The following COL21A1 variants were observed in gnomAD, a reference collection of about 807,000 sequenced individuals.
The protein encoded by COL21A1 is collagen alpha-1(XXI) chain.
A neutral mutation model predicts 137.9 loss-of-function variants in COL21A1; 149 were observed. The observed-to-expected ratio is 1.08, with a 90% confidence interval of 0.95 to 1.24. The LOEUF (loss-of-function observed/expected upper bound fraction) is 1.24. Among genes scored for constraint, COL21A1 ranks in the 50% most tolerant of loss-of-function variants. The pLI is 0.00. For missense variants in COL21A1, 1,167 were observed against 1,158.4 expected (o/e 1.01, Z -0.11); for synonymous variants, 456 against 391.5 (o/e 1.16, Z -1.95).
chr6:56,110,454 C>A (rs1415685865), intron 16 of COL21A1, among the ~76,000 whole-genome samples: 2 of 151,256 alleles, frequency 1.3e-5, no homozygotes, highest in Admixed American at 6.6e-5. Flanking sequence ...TGCTTTTATC[C>A]CTTCTATTTG....
At chr6:56,293,315 T>C (rs1008988267) in intron 1 of COL21A1, among the ~76,000 whole-genome samples, 2 of 152,220 alleles carry the variant, frequency 1.3e-5, no homozygotes, top group African/African-American at 4.8e-5. Flanking sequence ...GTATATAGGA[T>C]TCTTTTTCTC....
intron 1 of COL21A1, among the ~76,000 whole-genome samples, chr6:56,266,175 T>C (rs1763387390): frequency 6.6e-6 from 1 of 152,226 alleles, no homozygotes; most frequent in Non-Finnish European, 1.5e-5. Context: ...GCCATGTTCA[T>C]TCTTCCCACC....
At chr6:56,223,925 C>T (rs1004438802) in intron 1 of COL21A1, among the ~76,000 whole-genome samples, 4 of 151,112 alleles carry the variant, frequency 2.6e-5, no homozygotes, top group African/African-American at 9.8e-5. Context: ...ATCTTATTTC[C>T]ACCTATTTTC....
chr6:56,111,165 A>AC (rs1771401655), intron 16 of COL21A1, among the ~76,000 whole-genome samples: 1 of 151,532 alleles, frequency 6.6e-6, no homozygotes, highest in African/African-American at 2.4e-5. Flanking sequence ...AAAAAAAAAA[A>AC]CTATAATCTG....
chr6:56,357,982 C>T (rs908365487), intron 1 of COL21A1, among the ~76,000 whole-genome samples: 2 of 152,194 alleles, frequency 1.3e-5, no homozygotes, highest in African/African-American at 4.8e-5. Flanking sequence ...TTTCTTCGTA[C>T]TTACCTTTTT....
intron 1 of COL21A1, among the ~76,000 whole-genome samples, chr6:56,328,478 A>G (rs1339759658): frequency 1.3e-5 from 2 of 152,128 alleles, no homozygotes; most frequent in East Asian, 1.9e-4. Context: ...AGGTGTTACA[A>G]TTCATCAACT....
chr6:56,067,348 G>T lies in COL21A1; in HGVS notation c.2092-18C>A, dbSNP rs750675345. The T allele has an allele frequency of 6.2e-6, 10 of 1,602,914 alleles. No individual in the cohort carries two copies. The highest frequency in any genetic ancestry group is 8.5e-6 in the Non-Finnish European group (10 of 1,171,582). ...TTGTCCCCCTACAAAAAGGCAGTTT[G>T]ATCTGTATCATAATCTAGCATATTC... is the stretch of plus-strand genomic sequence containing the variant. On this transcript the variant is annotated intron_variant, in intron 22 of 29. Coordinates refer to ENST00000244728, the MANE Select transcript of COL21A1 (RefSeq NM_030820.4).
At chr6:56,371,617 C>G (rs1049262760) in intron 1 of COL21A1, among the ~76,000 whole-genome samples, 1 of 152,164 alleles carries the variant, frequency 6.6e-6, no homozygotes, top group Non-Finnish European at 1.5e-5. Flanking sequence ...AGGGGCCCAT[C>G]CTCATAAATC....
At chr6:56,296,082 C>T (rs949970581) in intron 1 of COL21A1, among the ~76,000 whole-genome samples, 2 of 151,802 alleles carry the variant, frequency 1.3e-5, no homozygotes, top group Non-Finnish European at 2.9e-5. Flanking sequence ...TACAGATGTT[C>T]TTTATCAAGT....
intron 16 of COL21A1, among the ~76,000 whole-genome samples, chr6:56,118,941 G>C (rs1204496734): frequency 1.3e-5 from 2 of 151,794 alleles, no homozygotes; most frequent in African/African-American, 2.4e-5. Flanking sequence ...CATAATAAAG[G>C]CCATCTATGA....
At chr6:56,272,046 C>A (rs1763540033) in intron 1 of COL21A1, among the ~76,000 whole-genome samples, 1 of 152,184 alleles carries the variant, frequency 6.6e-6, no homozygotes, top group Non-Finnish European at 1.5e-5. Flanking sequence ...GGGGTTGGAA[C>A]CCCCAAGCAG....
At chr6:56,185,994 T>TA (rs1429274703) in intron 1 of COL21A1, among the ~76,000 whole-genome samples, 22 of 151,020 alleles carry the variant, frequency 1.5e-4, no homozygotes, top group East Asian at 3.9e-4. Context: ...TAACCCTAAT[T>TA]AAAAAGAAAA....
chr6:56,329,361 G>T (rs1006413279), intron 1 of COL21A1, among the ~76,000 whole-genome samples: 2 of 152,182 alleles, frequency 1.3e-5, no homozygotes, highest in Admixed American at 1.3e-4. Flanking sequence ...GCATGGCTGT[G>T]GGGGAGGAAA....
rs771436346 is a variant in COL21A1 at position 56,077,528 on chromosome 6, C to T, written c.1857+1G>A. 2 of 1,573,456 alleles carry T rather than the reference C, an allele frequency of 1.3e-6. No individual in the cohort carries two copies. The highest frequency in any genetic ancestry group is 1.7e-4 in the Middle Eastern group (1 of 5,884). On this transcript the variant is annotated splice_donor_variant, in intron 18 of 29. Coordinates refer to ENST00000244728, the MANE Select transcript of COL21A1 (RefSeq NM_030820.4). LOFTEE classifies it high-confidence loss of function. ...CAAAGCTAACTCTCATGAATACTTA[C>T]CTTTTGGCCCATTAATCCTCGGTTT... is the stretch of plus-strand genomic sequence containing the variant.
chr6:56,152,201 T>C (rs1315617569), intron 10 of COL21A1, among the ~76,000 whole-genome samples: 1 of 152,156 alleles, frequency 6.6e-6, no homozygotes, highest in African/African-American at 2.4e-5. Context: ...GAGGCTGCCA[T>C]TGTTCCTGGG....
chr6:56,161,962 G>T (rs1336183760), intron 9 of COL21A1, among the ~76,000 whole-genome samples: 2 of 152,142 alleles, frequency 1.3e-5, no homozygotes, highest in Non-Finnish European at 2.9e-5. Flanking sequence ...TAATAGAAAA[G>T]CTAGATCTGT....
At position 56,129,103 on chromosome 6, in the gene COL21A1, A is replaced by G. The variant is rs1278455854; in HGVS notation, c.1543-2954T>C. Among the ~76,000 whole-genome samples, 4 of 152,220 alleles carry G rather than the reference A, an allele frequency of 2.6e-5. 1 individual carries two copies. Among genetic ancestry groups the G allele is most frequent in the African/African-American group, 7.2e-5 (3 of 41,462 alleles). The stretch of plus-strand genomic sequence containing the variant: ...GGCTACACAGAGTTGAGGAAGGGAT[A>G]GTGGGATTTAACTCTTCTTAAATGG... On this transcript the variant is annotated intron_variant, in intron 12 of 29. Transcript: ENST00000244728.
chr6:56,208,456 T>A (rs1422169854), intron 1 of COL21A1, among the ~76,000 whole-genome samples: 1 of 152,098 alleles, frequency 6.6e-6, no homozygotes, highest in East Asian at 1.9e-4. Flanking sequence ...TACCTATGAA[T>A]ACAACTTACA....
chr6:56,371,524 G>C (rs1305163735), intron 1 of COL21A1, among the ~76,000 whole-genome samples: 1 of 152,152 alleles, frequency 6.6e-6, no homozygotes, highest in Non-Finnish European at 1.5e-5. Context: ...GACCATCCCA[G>C]GCCTTTCCTC....
Sources: gnomAD v4.1 joint callset for allele counts (sites outside exome capture counted in the v4.1 genomes callset) on GRCh38, gnomAD v4.1.1 for gene constraint, MANE v1.5 for transcripts, NCBI Gene and HGNC (gene_info 2026-07-23, HGNC 2026-07-21) for gene names.